MAN1A2: variants seen among roughly 807,000 people sequenced by gnomAD.
MAN1A2 encodes the protein mannosidase alpha class 1A member 2, also known as mannosyl-oligosaccharide 1,2-alpha-mannosidase IB.
Under a neutral mutation model 75.7 loss-of-function variants are expected in MAN1A2, and 26 were observed. That is an observed-to-expected ratio of 0.34 (90% CI 0.25 to 0.48). The LOEUF (loss-of-function observed/expected upper bound fraction) is 0.48. Ranked by LOEUF, MAN1A2 falls within the 20% of genes least tolerant of loss-of-function variation. The probability of loss-of-function intolerance (pLI) is 0.99; values close to 1 mark genes in which losing one functional copy is unlikely to be tolerated. For synonymous variants in MAN1A2, 247 were observed against 264.6 expected (o/e 0.93, Z 0.65); for missense variants, 562 against 775.5 (o/e 0.72, Z 3.27).
chr1:117,499,462 A>G lies in MAN1A2; in HGVS notation c.1585A>G (p.Ile529Val). 6.2e-7 allele frequency: 1 copy of G among 1,608,696 alleles called. No homozygotes were observed. The highest frequency in any genetic ancestry group is 8.5e-7 in the Non-Finnish European group (1 of 1,177,444). ...VAVRQAEKYYILRPEVIETYW... is the reference protein window; with the variant it reads ...VAVRQAEKYYVLRPEVIETYW... Reference sequence around the variant, plus strand: ...TGTCCGGCAGGCTGAAAAGTATTATATCCTCCGTCCAGAAGTAATTGAAAC... The same window carrying G: ...TGTCCGGCAGGCTGAAAAGTATTATGTCCTCCGTCCAGAAGTAATTGAAAC... The change falls in exon 11 of 13, where the codon ATC (isoleucine) becomes GTC (valine). Residue 529 changes from isoleucine to valine, a missense_variant. Ile to Val is a conservative substitution (Grantham distance 29). Coordinates refer to ENST00000356554, the MANE Select transcript of MAN1A2 (RefSeq NM_006699.5).
At chr1:117,505,962 A>T (rs923283140) in intron 12 of MAN1A2, among the ~76,000 whole-genome samples, 1 of 151,478 alleles carries the variant, frequency 6.6e-6, no homozygotes, top group African/African-American at 2.4e-5. Context: ...TGAAACAGTG[A>T]TCTTAGGGAA....
chr1:117,417,870 G>T (rs1348663392), intron 4 of MAN1A2, among the ~76,000 whole-genome samples: 1 of 151,758 alleles, frequency 6.6e-6, no homozygotes, highest in East Asian at 1.9e-4. Flanking sequence ...GAGGCAGGAG[G>T]ATCGCTTGAG....
intron 5 of MAN1A2, among the ~76,000 whole-genome samples, chr1:117,421,447 T>TC (rs58213372): frequency 4.6e-5 from 7 of 152,078 alleles, no homozygotes; most frequent in Admixed American, 2.0e-4. Flanking sequence ...GATTTTTTTT[T>TC]CCCCCCAGTG....
intron 10 of MAN1A2, among the ~76,000 whole-genome samples, chr1:117,497,337 T>A (rs899615845): frequency 6.6e-6 from 1 of 152,092 alleles, no homozygotes; most frequent in Admixed American, 6.6e-5. Flanking sequence ...ATTGACTGAC[T>A]TCAGTTATAT....
At chr1:117,441,553 T>C (rs141751388) in intron 5 of MAN1A2, among the ~76,000 whole-genome samples, 12 of 152,260 alleles carry the variant, frequency 7.9e-5, no homozygotes, top group African/African-American at 2.9e-4. Context: ...CACTTACCTA[T>C]TGGGATATAC....
intron 9 of MAN1A2, chr1:117,494,990 A>C (rs1488724416): frequency 6.6e-6 from 1 of 151,740 alleles, no homozygotes; most frequent in Non-Finnish European, 1.5e-5. Flanking sequence ...CCATGTAATA[A>C]ATTAATTTTG....
At chr1:117,401,370 C>A (rs1647421573) in intron 1 of MAN1A2, among the ~76,000 whole-genome samples, 1 of 152,142 alleles carries the variant, frequency 6.6e-6, no homozygotes, top group South Asian at 2.1e-4. Flanking sequence ...GACCTATTGA[C>A]TCTTGGGTTA....
Position 117,458,899 on chromosome 1 carries a change from A to C in MAN1A2, c.951-1590A>C, listed in dbSNP as rs146753964. On this transcript the variant is annotated intron_variant, in intron 6 of 12. Transcript: ENST00000356554. ...AATGGTCTAGAGTTCTTGTAGGAAT[A>C]ATCCAGGAACTCTGCTGCTTGAATC... Among the ~76,000 whole-genome samples, 573 of 152,246 alleles carry C rather than the reference A, an allele frequency of 3.8e-3. 4 individuals carry two copies. Among genetic ancestry groups the C allele is most frequent in the African/African-American group, 0.013 (552 of 41,542 alleles).
chr1:117,455,557 A>T (rs548193859), intron 6 of MAN1A2, among the ~76,000 whole-genome samples: 1 of 152,266 alleles, frequency 6.6e-6, no homozygotes, highest in African/African-American at 2.4e-5. Context: ...CTGTGTAATA[A>T]CAAAAAATAA....
chr1:117,500,922 A>G (rs982274328), intron 11 of MAN1A2, among the ~76,000 whole-genome samples: 25 of 151,870 alleles, frequency 1.6e-4, no homozygotes, highest in Admixed American at 1.3e-3. Flanking sequence ...AGGTAAAATA[A>G]TCATATAATG....
chr1:117,437,011 G>C (rs912156863), intron 5 of MAN1A2, among the ~76,000 whole-genome samples: 2 of 152,118 alleles, frequency 1.3e-5, no homozygotes, highest in African/African-American at 2.4e-5. Context: ...ATGTGTTTCT[G>C]TCTCTTTGTG....
intron 11 of MAN1A2, 82 bp from the exon 12 acceptor site, chr1:117,502,773 G>C (rs1651240846): frequency 1.4e-6 from 1 of 704,532 alleles, no homozygotes; most frequent in South Asian, 1.6e-5. Flanking sequence ...ATGAGCTTTT[G>C]ACTATTGTCC....
chr1:117,402,139 T>G, intron 1 of MAN1A2, 47 bp from the exon 2 acceptor site: 1 of 1,549,454 alleles, frequency 6.5e-7, no homozygotes, highest in Non-Finnish European at 8.7e-7. Flanking sequence ...AGGTTGACAT[T>G]CTTAAGTAGG....
Position 117,420,854 on chromosome 1 carries a change from A to G in MAN1A2, c.855+205A>G, listed in dbSNP as rs141943551. On this transcript the variant is annotated intron_variant, in intron 5 of 12. Transcript: ENST00000356554. The stretch of plus-strand genomic sequence containing the variant: ...TCAATAAAACATGAATTCATCACAG[A>G]TCCTAGCTTTATATACACCATGTCT... Among the ~76,000 whole-genome samples, 84 of 152,138 alleles carry G rather than the reference A, an allele frequency of 5.5e-4. No individual in the cohort carries two copies. The East Asian group carries it at 0.01, about 18-fold the overall frequency.
intron 1 of MAN1A2, among the ~76,000 whole-genome samples, chr1:117,372,329 G>C (rs758611213): frequency 1.3e-5 from 2 of 152,082 alleles, no homozygotes; most frequent in Non-Finnish European, 2.9e-5. Flanking sequence ...AGAAAATGGT[G>C]GTTGGTTAAA....
At chr1:117,452,811 A>G (rs1649465318) in intron 6 of MAN1A2, among the ~76,000 whole-genome samples, 1 of 152,238 alleles carries the variant, frequency 6.6e-6, no homozygotes, top group South Asian at 2.1e-4. Flanking sequence ...GGCTACACTA[A>G]ACAACAGATT....
intron 8 of MAN1A2, among the ~76,000 whole-genome samples, chr1:117,486,702 T>C (rs927973130): frequency 1.3e-5 from 2 of 151,924 alleles, no homozygotes; most frequent in South Asian, 4.1e-4. Flanking sequence ...GACTAAAATT[T>C]GAGAGAAAAT....
At chr1:117,456,308 G>A (rs1357583604) in intron 6 of MAN1A2, among the ~76,000 whole-genome samples, 1 of 151,994 alleles carries the variant, frequency 6.6e-6, no homozygotes, top group Non-Finnish European at 1.5e-5. Context: ...TATTAAAAAT[G>A]TTTTATAAGC....
chr1:117,475,162 A>ACTT (rs1218143848), intron 8 of MAN1A2, among the ~76,000 whole-genome samples: 1 of 150,686 alleles, frequency 6.6e-6, no homozygotes, highest in African/African-American at 2.4e-5. Flanking sequence ...ATATGTTCTC[A>ACTT]CTTCTCTCGG....
Sources: gnomAD v4.1 joint callset for allele counts (sites outside exome capture counted in the v4.1 genomes callset) on GRCh38, gnomAD v4.1.1 for gene constraint, MANE v1.5 for transcripts, NCBI Gene and HGNC (gene_info 2026-07-23, HGNC 2026-07-21) for gene names.